LGR4: variants seen among roughly 807,000 people sequenced by gnomAD.
LGR4 encodes leucine rich repeat containing G protein-coupled receptor 4.
LGR4 carries 44 observed loss-of-function variants against 84.8 expected under a neutral mutation model. The ratio of observed to expected loss-of-function variants is 0.52; its 90% CI spans 0.41 to 0.67. The LOEUF is 0.67. LGR4 is among the 30% of genes least tolerant of loss of function. The pLI, the probability that LGR4 is intolerant of heterozygous loss-of-function variation, is 0.00. For synonymous variants in LGR4, 429 were observed against 434.3 expected (o/e 0.99, Z 0.15); for missense variants, 1,032 against 1,131.4 (o/e 0.91, Z 1.26).
At chr11:27,370,956 T>C (rs187228377) in intron 17 of LGR4, among the ~76,000 whole-genome samples, 12 of 152,284 alleles carry the variant, frequency 7.9e-5, no homozygotes, top group Admixed American at 5.9e-4. Flanking sequence ...ATTCATAAAA[T>C]ACATACGCAG....
rs1232304283 is a variant in LGR4, at chr11:27,391,741, A to G, written c.330-576T>C. Among the ~76,000 whole-genome samples the G allele has an allele frequency of 3.3e-5, 5 of 152,138 alleles. No homozygotes were observed. In the East Asian group the frequency reaches 9.6e-4, roughly 29 times the overall value. ...TAGGGCCTGCCAAATAGATGCATAG[A>G]TCCATACTGAAAATGAAATTCTTTT... On this transcript the variant is annotated intron_variant, in intron 3 of 17. Transcript: ENST00000379214.
At chr11:27,428,640 A>T (rs181913275) in intron 1 of LGR4, among the ~76,000 whole-genome samples, 5,201 of 152,356 alleles carry the variant, frequency 0.034, 95 homozygotes, top group Middle Eastern at 0.085. Flanking sequence ...AAGGGACAGA[A>T]AGGTATAGAT....
intron 12 of LGR4, among the ~76,000 whole-genome samples, 178 bp downstream of exon 12, chr11:27,376,980 G>T (rs536395089): frequency 6.6e-6 from 1 of 152,264 alleles, no homozygotes; most frequent in Non-Finnish European, 1.5e-5. Flanking sequence ...ATAGCTAAGT[G>T]CCTAATACAT....
intron 4 of LGR4, among the ~76,000 whole-genome samples, chr11:27,386,844 T>C (rs762578052): frequency 7.2e-5 from 11 of 152,320 alleles, no homozygotes; most frequent in Non-Finnish European, 1.3e-4. Context: ...GCCTTAAGAA[T>C]CTACCTAGAA....
At chr11:27,402,253 G>A (rs1419353687) in intron 2 of LGR4, among the ~76,000 whole-genome samples, 2 of 152,150 alleles carry the variant, frequency 1.3e-5, no homozygotes. Flanking sequence ...GAAGTGAGAG[G>A]AAGTTTACTA....
At position 27,399,173 on chromosome 11, in the gene LGR4, AGTCCTGGGATTACAG is replaced by A. The variant is rs1863449594; in HGVS notation, c.258-6670_258-6656del. Reference sequence around the variant, plus strand: ...TGATCCACCCCCCTCAGCCTGCCAAAGTCCTGGGATTACAGGTGTGAGTCTGAGTCACCAGGCCTG... The same window carrying A: ...TGATCCACCCCCCTCAGCCTGCCAAAGTGTGAGTCTGAGTCACCAGGCCTG... On this transcript the variant is annotated intron_variant, in intron 2 of 17. Coordinates refer to ENST00000379214, the MANE Select transcript of LGR4 (RefSeq NM_018490.5). Among the ~76,000 whole-genome samples the A allele has an allele frequency of 4.6e-5, 7 of 152,108 alleles. No homozygotes were observed. The South Asian group carries it at 1.2e-3, about 27-fold the overall frequency.
intron 1 of LGR4, among the ~76,000 whole-genome samples, chr11:27,416,060 C>A (rs1161547758): frequency 6.6e-6 from 1 of 152,100 alleles, no homozygotes; most frequent in Non-Finnish European, 1.5e-5. Flanking sequence ...AGAAGATGCT[C>A]CTACAGATTA....
At chr11:27,439,705 C>T (rs1017884703) in intron 1 of LGR4, among the ~76,000 whole-genome samples, 6 of 152,082 alleles carry the variant, frequency 3.9e-5, no homozygotes, top group African/African-American at 1.2e-4. Context: ...CATTTTTACT[C>T]GGCAATGCTC....
At position 27,382,210 on chromosome 11, in the gene LGR4, C is replaced by G; in HGVS notation, c.736G>C (p.Ala246Pro). 6.2e-7 allele frequency: 1 copy of G among 1,609,404 alleles called. No homozygotes were observed. The highest frequency in any genetic ancestry group is 8.5e-7 in the Non-Finnish European group (1 of 1,176,138). Residue 246 changes from alanine to proline, a missense_variant, in exon 7 of 18, where the codon GCC (alanine) becomes CCC (proline). Transcript: ENST00000379214. ...NLGEFPQAIK[A>P]LPSLKELGFH... ...CACAGCTCTTTAAGGCTAGGAAGGG[C>G]TTTAATAGCCTGAGGAAATTCCCCC...
At position 27,452,686 on chromosome 11, in the gene LGR4, C is replaced by T. The variant is rs527559931; in HGVS notation, c.185+19432G>A. 1.5e-3 allele frequency among the ~76,000 whole-genome samples: 218 copies of T among 143,776 alleles called. 1 individual carries two copies. Among genetic ancestry groups the T allele is most frequent in the Admixed American group, 5.9e-3 (82 of 13,990 alleles). 94.3% of individuals were successfully genotyped at this position (143,776 alleles called of 152,430 possible). ...TCGCCCCGGCTGGAGTGCAGTGGCG[C>T]GATCTCGGCTCACTGCAAGCTCCGC... On this transcript the variant is annotated intron_variant, in intron 1 of 17. Coordinates refer to ENST00000379214, the MANE Select transcript of LGR4 (RefSeq NM_018490.5).
chr11:27,408,999 G>C (rs1042454407), intron 2 of LGR4, among the ~76,000 whole-genome samples: 5 of 152,036 alleles, frequency 3.3e-5, no homozygotes, highest in African/African-American at 1.2e-4. Flanking sequence ...GGGAGAGCAG[G>C]AATCACTAGG....
At chr11:27,463,146 G>A (rs1028358378) in intron 1 of LGR4, among the ~76,000 whole-genome samples, 3 of 151,414 alleles carry the variant, frequency 2.0e-5, no homozygotes, top group Admixed American at 1.3e-4. Context: ...TAGCTACTTC[G>A]GAGACTGAGG....
intron 1 of LGR4, among the ~76,000 whole-genome samples, chr11:27,445,866 G>A (rs1180262676): frequency 6.9e-6 from 1 of 144,402 alleles, no homozygotes. Flanking sequence ...AACAGAGTGA[G>A]ACCCTGTCTC....
intron 1 of LGR4, among the ~76,000 whole-genome samples, chr11:27,463,274 T>C (rs1206413139): frequency 6.6e-6 from 1 of 151,284 alleles, no homozygotes; most frequent in Non-Finnish European, 1.5e-5. Context: ...ACTGGGGAGT[T>C]GATAGTAACA....
chr11:27,435,064 A>G (rs964148293), intron 1 of LGR4, among the ~76,000 whole-genome samples: 10 of 152,172 alleles, frequency 6.6e-5, no homozygotes, highest in African/African-American at 2.4e-4. Flanking sequence ...GGCCAGGTGC[A>G]GAGGCTCATG....
Position 27,368,927 on chromosome 11 carries a change from G to A in LGR4, c.1796C>T (p.Ala599Val). 2 of 1,614,050 alleles carry A rather than the reference G, an allele frequency of 1.2e-6. No homozygotes were observed. The highest frequency in any genetic ancestry group is 1.7e-6 in the Non-Finnish European group (2 of 1,179,986). ...TTCAGCGAATCTGCCCCAGGACACA[G>A]CATCAAGAAAAGTTAGGATGCCAGT... ...IYTGILTFLD[A>V]VSWGRFAEFG... The change falls in exon 18 of 18, where the codon GCT becomes GTT. Residue 599 changes from alanine to valine, a missense_variant. Ala to Val is a moderately conservative substitution (Grantham distance 64, BLOSUM62 0). Transcript: ENST00000379214.
chr11:27,451,210 C>G (rs944418519), intron 1 of LGR4, among the ~76,000 whole-genome samples: 1 of 152,170 alleles, frequency 6.6e-6, no homozygotes, highest in Non-Finnish European at 1.5e-5. Context: ...CACCAGAGAA[C>G]TGTTTAGAAC....
Position 27,405,207 on chromosome 11 carries a change from G to A in LGR4, c.257+7582C>T, listed in dbSNP as rs1590367215. Among the ~76,000 whole-genome samples the A allele has an allele frequency of 2.0e-5, 3 of 152,198 alleles. No homozygotes were observed. The South Asian group carries it at 6.2e-4, about 32-fold the overall frequency. On this transcript the variant is annotated intron_variant, in intron 2 of 17. Coordinates refer to ENST00000379214, the MANE Select transcript of LGR4 (RefSeq NM_018490.5). The stretch of plus-strand genomic sequence containing the variant: ...GTCAAGGCCCTTTCTCACTAGTCAT[G>A]GGCATCTTTCTCCAGCATGTCAGTG...
At chr11:27,460,140 T>A (rs977380026) in intron 1 of LGR4, among the ~76,000 whole-genome samples, 2 of 152,164 alleles carry the variant, frequency 1.3e-5, no homozygotes, top group Non-Finnish European at 2.9e-5. Context: ...TTCTATTTCA[T>A]GTTCTTGACC....
Sources: allele counts gnomAD v4.1 joint callset (sites outside exome capture counted in the v4.1 genomes callset), GRCh38; gene constraint gnomAD v4.1.1; transcripts MANE v1.5; gene names NCBI Gene and HGNC (gene_info 2026-07-23, HGNC 2026-07-21).